BTBD7: variants seen among roughly 807,000 people sequenced by gnomAD.
The protein encoded by BTBD7 is BTB domain containing 7.
In BTBD7, 38 loss-of-function variants were observed where a neutral mutation model predicts 99.9. The ratio of observed to expected loss-of-function variants is 0.38; its 90% confidence interval spans 0.29 to 0.50. The LOEUF (loss-of-function observed/expected upper bound fraction) is 0.50. BTBD7 is among the 20% of genes least tolerant of loss of function. The pLI is 0.93. For missense variants in BTBD7, 1,170 were observed against 1,394.6 expected (o/e 0.84, Z 2.57); for synonymous variants, 520 against 511.4 (o/e 1.02, Z -0.23).
rs1195068784 is a variant in BTBD7, at chr14:93,332,952, C to T, written c.-239G>A. The T allele has an allele frequency of 6.5e-6, 5 of 764,450 alleles. No individual in the cohort carries two copies. The highest frequency in any genetic ancestry group is 9.7e-6 in the Non-Finnish European group (5 of 515,528). 47.4% of individuals were successfully genotyped at this position (764,450 alleles called of 1,614,324 possible). On this transcript the variant is annotated 5_prime_UTR_variant, in exon 1 of 11. Coordinates refer to ENST00000334746, the MANE Select transcript of BTBD7 (RefSeq NM_001002860.4). The stretch of plus-strand genomic sequence containing the variant: ...ATCCTCCTCCCACCGCCGCCGCCGC[C>T]GCCCTCTCCTCTCCTGTCAGTGGCT...
intron 1 of BTBD7, among the ~76,000 whole-genome samples, chr14:93,308,202 G>A (rs2053093384): frequency 6.6e-6 from 1 of 151,670 alleles, no homozygotes; most frequent in Admixed American, 6.6e-5. Flanking sequence ...CAGGAGAATG[G>A]CGTGAGCCTG....
At chr14:93,290,565 T>G (rs1443430104) in intron 3 of BTBD7, among the ~76,000 whole-genome samples, 1 of 140,924 alleles carries the variant, frequency 7.1e-6, no homozygotes, top group African/African-American at 2.6e-5. Flanking sequence ...TCACCCGGGC[T>G]GGAGTGGAGT....
intron 1 of BTBD7, among the ~76,000 whole-genome samples, chr14:93,300,740 GT>G (rs2052988612): frequency 1.2e-5 from 1 of 85,390 alleles, no homozygotes; most frequent in African/African-American, 6.5e-5. Context: ...GTGTGTGTGT[GT>G]GTGTGTGTGT....
intron 3 of BTBD7, among the ~76,000 whole-genome samples, chr14:93,284,625 G>A (rs943991292): frequency 6.6e-6 from 1 of 152,020 alleles, no homozygotes; most frequent in Non-Finnish European, 1.5e-5. Flanking sequence ...CAATACACTA[G>A]GTGACAGAGG....
chr14:93,271,205 G>C (rs1483782760), intron 3 of BTBD7, among the ~76,000 whole-genome samples: 1 of 152,160 alleles, frequency 6.6e-6, no homozygotes. Flanking sequence ...CAGTTCTCCT[G>C]AATACACTGT....
At chr14:93,298,124 T>C (rs990854632) in intron 1 of BTBD7, among the ~76,000 whole-genome samples, 1 of 152,216 alleles carries the variant, frequency 6.6e-6, no homozygotes, top group Non-Finnish European at 1.5e-5. Flanking sequence ...GCTTATGGCA[T>C]GAAACAAAGA....
chr14:93,314,790 G>A (rs1024578690), intron 1 of BTBD7, among the ~76,000 whole-genome samples: 3 of 152,034 alleles, frequency 2.0e-5, no homozygotes, highest in African/African-American at 7.2e-5. Context: ...CCAAAATGCT[G>A]GACATTATTC....
intron 1 of BTBD7, among the ~76,000 whole-genome samples, chr14:93,328,909 CCTAT>C (rs1437113532): frequency 6.6e-6 from 1 of 152,100 alleles, no homozygotes; most frequent in Admixed American, 6.5e-5. Flanking sequence ...AGACCCAGAA[CCTAT>C]CTATCTTTAA....
At chr14:93,309,287 A>C (rs575056706) in intron 1 of BTBD7, among the ~76,000 whole-genome samples, 1 of 152,246 alleles carries the variant, frequency 6.6e-6, no homozygotes, top group African/African-American at 2.4e-5. Flanking sequence ...AAAGTGACTT[A>C]TCCAAAGTCA....
At chr14:93,277,872 C>T (rs777315151) in intron 3 of BTBD7, among the ~76,000 whole-genome samples, 1 of 152,142 alleles carries the variant, frequency 6.6e-6, no homozygotes, top group Non-Finnish European at 1.5e-5. Flanking sequence ...ACAGTGACAA[C>T]CCAAATGTAT....
intron 3 of BTBD7, among the ~76,000 whole-genome samples, chr14:93,273,305 C>T (rs955145774): frequency 1.3e-5 from 2 of 152,172 alleles, no homozygotes; most frequent in African/African-American, 4.8e-5. Context: ...GCTGGATTAA[C>T]AACTTTAGAG....
chr14:93,286,522 G>A (rs975746561), intron 3 of BTBD7, among the ~76,000 whole-genome samples: 4 of 152,128 alleles, frequency 2.6e-5, no homozygotes. Context: ...CCACAAATCG[G>A]GCTCACAGCT....
intron 3 of BTBD7, among the ~76,000 whole-genome samples, chr14:93,267,453 TCAAA>T (rs779621271): frequency 5.3e-5 from 8 of 152,228 alleles, no homozygotes; most frequent in South Asian, 2.1e-4. Flanking sequence ...CTACATTTGC[TCAAA>T]CAGTCTGGAG....
intron 3 of BTBD7, among the ~76,000 whole-genome samples, chr14:93,292,042 C>T (rs541085048): frequency 6.6e-6 from 1 of 152,204 alleles, no homozygotes; most frequent in East Asian, 1.9e-4. Flanking sequence ...CAGAAATTAG[C>T]TGGGCATGGT....
At chr14:93,243,517 C>T (rs976573097) in intron 10 of BTBD7, among the ~76,000 whole-genome samples, 1 of 152,162 alleles carries the variant, frequency 6.6e-6, no homozygotes, top group African/African-American at 2.4e-5. Flanking sequence ...TATAAAAATA[C>T]AGAAAGCTAT....
At chr14:93,327,629 G>T (rs949693339) in intron 1 of BTBD7, among the ~76,000 whole-genome samples, 1 of 152,060 alleles carries the variant, frequency 6.6e-6, no homozygotes, top group Non-Finnish European at 1.5e-5. Context: ...GAAACTACCT[G>T]AACATAATCA....
intron 3 of BTBD7, among the ~76,000 whole-genome samples, chr14:93,286,041 A>T (rs1226044352): frequency 2.0e-5 from 3 of 152,148 alleles, no homozygotes; most frequent in Admixed American, 2.0e-4. Flanking sequence ...TGGCCACTAA[A>T]GCTCCTACAT....
In BTBD7 at chr14:93,241,011, TTTTG is replaced by T. The variant is rs1300582684; in HGVS notation, c.*1258_*1261del. ...AATAACATCCATGAGACTGAAGCCC[TTTTG>T]TTTTTTTCCCATAGAGAGCAAGACA... On this transcript the variant is annotated 3_prime_UTR_variant, in exon 11 of 11. Transcript: ENST00000334746. 3 of 152,220 alleles carry T rather than the reference TTTTG, an allele frequency of 2.0e-5. No homozygotes were observed. The highest frequency in any genetic ancestry group is 4.8e-5 in the African/African-American group (2 of 41,444). The allele number at this position is 152,220 out of a possible 1,614,324, so 9.4% of individuals were successfully genotyped here.
intron 3 of BTBD7, among the ~76,000 whole-genome samples, chr14:93,281,948 C>T (rs1489962545): frequency 6.6e-6 from 1 of 152,328 alleles, no homozygotes; most frequent in Non-Finnish European, 1.5e-5. Flanking sequence ...ATCGTATTAT[C>T]TAAAGTCTGC....
Sources: allele counts gnomAD v4.1 joint callset (sites outside exome capture counted in the v4.1 genomes callset), GRCh38; gene constraint gnomAD v4.1.1; transcripts MANE v1.5; gene names NCBI Gene and HGNC (gene_info 2026-07-23, HGNC 2026-07-21).